The following ARHGAP28 variants were observed in gnomAD, a reference collection of about 807,000 sequenced individuals.
ARHGAP28 encodes the protein rho GTPase-activating protein 28.
Under a neutral mutation model 90.7 loss-of-function variants are expected in ARHGAP28, and 56 were observed. The ratio of observed to expected loss-of-function variants is 0.62; its 90% CI spans 0.50 to 0.77. The LOEUF is 0.77. ARHGAP28 is among the 30% of genes least tolerant of loss of function. The pLI is 0.00. For missense variants in ARHGAP28, 869 were observed against 900.9 expected, an observed-to-expected ratio of 0.96 and a Z score of 0.45; for synonymous variants, 308 against 323.3, an observed-to-expected ratio of 0.95 and a Z score of 0.51.
At chr18:6,835,562 GACTAATGCTTTGGCATGCTGTTT>G (rs1208005200) in intron 2 of ARHGAP28, among the ~76,000 whole-genome samples, 1 of 152,126 alleles carries the variant, frequency 6.6e-6, no homozygotes, top group Non-Finnish European at 1.5e-5. Flanking sequence ...TCCAGTACTA[GACTAATGCTTTGGCATGCTGTTT>G]ACAAATTAGT....
chr18:6,866,891 C>G (rs1202454608), intron 5 of ARHGAP28, among the ~76,000 whole-genome samples: 4 of 152,118 alleles, frequency 2.6e-5, no homozygotes, highest in Non-Finnish European at 5.9e-5. Flanking sequence ...TCTTCTCTCC[C>G]ATAGGTAAGT....
intron 17 of ARHGAP28, among the ~76,000 whole-genome samples, chr18:6,909,964 AC>A (rs1434307568): frequency 6.6e-6 from 1 of 151,214 alleles, no homozygotes; most frequent in East Asian, 1.9e-4. Flanking sequence ...TTATTTCTTC[AC>A]CCCCCTTTAA....
intron 3 of ARHGAP28, among the ~76,000 whole-genome samples, chr18:6,839,200 T>C (rs77912846): frequency 0.034 from 5,150 of 152,288 alleles, 157 homozygotes; most frequent in African/African-American, 0.078. Context: ...ATTATACTTC[T>C]TAACAATCTT....
At chr18:6,819,699 CAG>C (rs1172547889) in intron 1 of ARHGAP28, among the ~76,000 whole-genome samples, 1 of 152,222 alleles carries the variant, frequency 6.6e-6, no homozygotes, top group Non-Finnish European at 1.5e-5. Context: ...TCCAGCAACA[CAG>C]GGGACCAGGC....
chr18:6,886,241 C>A (rs1392339187), intron 11 of ARHGAP28, among the ~76,000 whole-genome samples: 3 of 152,168 alleles, frequency 2.0e-5, no homozygotes, highest in Non-Finnish European at 4.4e-5. Context: ...AACTTGAGAA[C>A]TCCCCAGAGA....
At chr18:6,835,285 A>G (rs889345147) in intron 2 of ARHGAP28, among the ~76,000 whole-genome samples, 2 of 152,196 alleles carry the variant, frequency 1.3e-5, no homozygotes, top group Non-Finnish European at 2.9e-5. Context: ...TAAATATTAA[A>G]TTGTAAATTT....
intron 5 of ARHGAP28, among the ~76,000 whole-genome samples, chr18:6,866,527 G>A (rs912561230): frequency 2.6e-5 from 4 of 152,028 alleles, no homozygotes; most frequent in Admixed American, 2.0e-4. Flanking sequence ...AAACCTTCTG[G>A]GCAGCACCTC....
intron 3 of ARHGAP28, among the ~76,000 whole-genome samples, chr18:6,845,167 C>T (rs1287210381): frequency 6.6e-6 from 1 of 152,220 alleles, no homozygotes; most frequent in Non-Finnish European, 1.5e-5. Flanking sequence ...TAACCTGGAA[C>T]TCCTGGGCTC....
chr18:6,854,822 C>T (rs950643075), intron 4 of ARHGAP28, among the ~76,000 whole-genome samples: 1 of 152,144 alleles, frequency 6.6e-6, no homozygotes, highest in Non-Finnish European at 1.5e-5. Flanking sequence ...TGGGAAACCC[C>T]TCCTCCCATA....
chr18:6,823,840 C>T (rs2056642472), intron 1 of ARHGAP28, among the ~76,000 whole-genome samples: 1 of 152,074 alleles, frequency 6.6e-6, no homozygotes, highest in Non-Finnish European at 1.5e-5. Flanking sequence ...TTCTGCCTTC[C>T]AGGTCAAGTG....
At chr18:6,823,103 C>G (rs1256049986) in intron 1 of ARHGAP28, among the ~76,000 whole-genome samples, 2 of 152,138 alleles carry the variant, frequency 1.3e-5, no homozygotes, top group Admixed American at 1.3e-4. Flanking sequence ...AAGAGTTAGT[C>G]TTGGTCTTTT....
intron 1 of ARHGAP28, among the ~76,000 whole-genome samples, chr18:6,737,789 TA>T (rs1239332149): frequency 6.6e-6 from 1 of 152,200 alleles, no homozygotes; most frequent in Non-Finnish European, 1.5e-5. Context: ...CATTAGTCTC[TA>T]AAGTGGGAAA....
intron 1 of ARHGAP28, chr18:6,774,106 T>C (rs1314011372): frequency 6.6e-6 from 1 of 152,208 alleles, no homozygotes; most frequent in Non-Finnish European, 1.5e-5. Context: ...AATTTTAATG[T>C]GTGTGGGGTG....
intron 1 of ARHGAP28, among the ~76,000 whole-genome samples, chr18:6,732,993 G>A (rs2055895815): frequency 2.0e-5 from 3 of 151,934 alleles, no homozygotes; most frequent in Admixed American, 6.6e-5. Context: ...AAAAAAAGGG[G>A]GCCATTTAAA....
At chr18:6,771,969 A>G (rs1600169058) in intron 1 of ARHGAP28, among the ~76,000 whole-genome samples, 1 of 152,192 alleles carries the variant, frequency 6.6e-6, no homozygotes, top group East Asian at 1.9e-4. Flanking sequence ...TACACATTCT[A>G]TGCATGTAAC....
chr18:6,840,273 T>A (rs1357077089), intron 3 of ARHGAP28, among the ~76,000 whole-genome samples: 1 of 152,198 alleles, frequency 6.6e-6, no homozygotes, highest in Admixed American at 6.5e-5. Context: ...CATGCTGCCT[T>A]TCTCACTTCT....
At chr18:6,764,850 G>C (rs992658518) in intron 1 of ARHGAP28, among the ~76,000 whole-genome samples, 2 of 151,996 alleles carry the variant, frequency 1.3e-5, no homozygotes, top group Non-Finnish European at 2.9e-5. Flanking sequence ...GGCAGTTGCT[G>C]TCTGGCCATT....
chr18:6,785,507 C>T (rs2056358376), intron 1 of ARHGAP28, among the ~76,000 whole-genome samples: 1 of 152,210 alleles, frequency 6.6e-6, no homozygotes, highest in Non-Finnish European at 1.5e-5. Context: ...TAGATCAGCA[C>T]AGTTGCTTCC....
chr18:6,871,838 G>A (rs779429859), intron 7 of ARHGAP28, among the ~76,000 whole-genome samples: 9 of 152,070 alleles, frequency 5.9e-5, no homozygotes, highest in Non-Finnish European at 8.8e-5. Context: ...TAGGACTCAC[G>A]GAGTGCCTTC....
Sources: allele counts gnomAD v4.1 joint callset (sites outside exome capture counted in the v4.1 genomes callset), GRCh38; gene constraint gnomAD v4.1.1; transcripts MANE v1.5; gene names NCBI Gene and HGNC (gene_info 2026-07-23, HGNC 2026-07-21).